The following NLRP11 variants were observed in gnomAD, a reference collection of about 807,000 sequenced individuals.
NLRP11 encodes the protein NLR family pyrin domain containing 11.
A neutral mutation model predicts 79.3 loss-of-function variants in NLRP11; 53 were observed. The observed-to-expected ratio is 0.67, with a 90% CI of 0.54 to 0.84. The LOEUF (loss-of-function observed/expected upper bound fraction) is 0.84, where lower values mean the gene tolerates loss of function less well. NLRP11 is among the 40% of genes least tolerant of loss of function. The pLI, the probability that NLRP11 is intolerant of heterozygous loss-of-function variation, is 0.00. For missense variants in NLRP11, 1,264 were observed against 1,255.0 expected (o/e 1.01, Z -0.11); for synonymous variants, 518 against 462.6 (o/e 1.12, Z -1.54).
chr19:55,824,637 T>C (rs1258677820), intron 1 of NLRP11, among the ~76,000 whole-genome samples: 1 of 108,010 alleles, frequency 9.3e-6, no homozygotes, highest in Non-Finnish European at 1.7e-5. Context: ...AAACAGACTT[T>C]AAACCAACAA....
intron 6 of NLRP11, among the ~76,000 whole-genome samples, chr19:55,794,000 T>A (rs888621959): frequency 6.6e-6 from 1 of 152,218 alleles, no homozygotes; most frequent in Admixed American, 6.5e-5. Context: ...CAGACTACTG[T>A]GATTTCTTTC....
At chr19:55,804,266 T>G (rs963300029) in intron 4 of NLRP11, among the ~76,000 whole-genome samples, 1 of 152,206 alleles carries the variant, frequency 6.6e-6, no homozygotes, top group Non-Finnish European at 1.5e-5. Flanking sequence ...TTACTGGGTA[T>G]ATACCCAAAG....
At chr19:55,814,665 T>C (rs1231398841) in intron 2 of NLRP11, among the ~76,000 whole-genome samples, 1 of 152,228 alleles carries the variant, frequency 6.6e-6, no homozygotes. Flanking sequence ...TAAAGTGTAA[T>C]TTTTAAAATA....
intron 4 of NLRP11, 28 bp downstream of exon 4, chr19:55,807,825 C>G (rs1159306276): frequency 6.5e-7 from 1 of 1,528,870 alleles, no homozygotes; most frequent in Non-Finnish European, 8.9e-7. Context: ...AGGGGAACCT[C>G]TAAGGCAGAG....
At chr19:55,836,091 T>G (rs1983244990), upstream of NLRP11, among the ~76,000 whole-genome samples, 2 of 152,340 alleles carry the variant, frequency 1.3e-5, no homozygotes, top group South Asian at 4.1e-4. Context: ...GCCACTGCAC[T>G]CCAGCCTGGG....
chr19:55,788,887 A>AAGCAAGTT lies in NLRP11; in HGVS notation c.2767_2774dup (p.Gln926ThrfsTer19). The AAGCAAGTT allele has an allele frequency of 6.2e-7, 1 of 1,613,888 alleles. No homozygotes were observed. The highest frequency in any genetic ancestry group is 1.3e-5 in the African/African-American group (1 of 74,962). On this transcript the variant is annotated frameshift_variant, in exon 9 of 10. Coordinates refer to ENST00000589093, the Ensembl canonical transcript of NLRP11. LOFTEE classifies it high-confidence loss of function. Reference sequence around the variant, plus strand: ...CTCCATCATTGCCCAAGTGATTTTGAAGCAAGTTGAGTCTTTCTAGTGTTT... The same window carrying AAGCAAGTT: ...CTCCATCATTGCCCAAGTGATTTTGAAGCAAGTTAGCAAGTTGAGTCTTTCTAGTGTTT...
At chr19:55,794,908 G>A (rs1013228030) in intron 6 of NLRP11, among the ~76,000 whole-genome samples, 1 of 152,058 alleles carries the variant, frequency 6.6e-6, no homozygotes, top group Non-Finnish European at 1.5e-5. Flanking sequence ...TTATGTTTTG[G>A]AATCTAGCAA....
chr19:55,796,356 C>T lies in NLRP11; in HGVS notation c.2172-106G>A. The T allele has an allele frequency of 4.5e-6, 4 of 885,286 alleles. No individual in the cohort carries two copies. The East Asian group carries it at 1.0e-4, about 23-fold the overall frequency. The allele number at this position is 885,286 out of a possible 1,614,324, so 54.8% of individuals were successfully genotyped here. ...GAGACCTAACCAAGTGCGATGATGT[C>T]TACTTGGAAATAAATAGATCCCTTT... On this transcript the variant is annotated intron_variant, in intron 5 of 9. Transcript: ENST00000589093.
chr19:55,787,054 G>C (rs1043877986), intron 9 of NLRP11, among the ~76,000 whole-genome samples: 3 of 152,152 alleles, frequency 2.0e-5, no homozygotes, highest in Non-Finnish European at 4.4e-5. Flanking sequence ...TTTTCCATTT[G>C]AGAAAAATTG....
exon 3 of NLRP11, chr19:55,810,202 A>G: frequency 6.2e-7 from 1 of 1,614,184 alleles, no homozygotes; most frequent in Middle Eastern, 1.6e-4. Context: ...TGGTAGAATC[A>G]TAGGCTAATT....
upstream of NLRP11, among the ~76,000 whole-genome samples, chr19:55,835,278 G>A (rs995388049): frequency 6.6e-6 from 1 of 152,240 alleles, no homozygotes; most frequent in African/African-American, 2.4e-5. Context: ...CCCAGAAGAT[G>A]ACTGTAACGA....
At chr19:55,810,440 A>C in intron 2 of NLRP11, 102 bp from the exon 3 acceptor site, 1 of 1,038,520 alleles carries the variant, frequency 9.6e-7, no homozygotes, top group African/African-American at 1.6e-5. Context: ...AAAATATAGT[A>C]GAAATTTTTA....
At chr19:55,796,786 T>C (rs544355376) in intron 5 of NLRP11, among the ~76,000 whole-genome samples, 1 of 152,014 alleles carries the variant, frequency 6.6e-6, no homozygotes, top group Admixed American at 6.5e-5. Context: ...TCCCGGGTTT[T>C]TAAGCGATTC....
At chr19:55,820,840 C>A (rs1447144395) in intron 1 of NLRP11, among the ~76,000 whole-genome samples, 1 of 152,122 alleles carries the variant, frequency 6.6e-6, no homozygotes, top group East Asian at 1.9e-4. Flanking sequence ...GACATATGTA[C>A]ATACAGGTGT....
chr19:55,802,225 C>G (rs1348724350), intron 4 of NLRP11, among the ~76,000 whole-genome samples: 1 of 152,180 alleles, frequency 6.6e-6, no homozygotes, highest in Non-Finnish European at 1.5e-5. Context: ...AGAAGTCAAA[C>G]TATCACTGTT....
intron 6 of NLRP11, among the ~76,000 whole-genome samples, chr19:55,793,516 C>A (rs368852390): frequency 7.9e-6 from 1 of 126,322 alleles, no homozygotes; most frequent in African/African-American, 3.1e-5. Flanking sequence ...TGAAGTGAGC[C>A]GAGATTGCAC....
At chr19:55,827,561 A>C in intron 1 of NLRP11, among the ~76,000 whole-genome samples, 2 of 149,674 alleles carry the variant, frequency 1.3e-5, no homozygotes, top group African/African-American at 5.0e-5. Flanking sequence ...ACTCAAACAA[A>C]TTTACAAGAA....
At chr19:55,801,427 G>C (rs1182476957) in intron 5 of NLRP11, 145 bp downstream of exon 5, 5 of 632,518 alleles carry the variant, frequency 7.9e-6, no homozygotes, top group African/African-American at 1.8e-5. Context: ...GTTGGTGAAA[G>C]AAACAAACCA....
At chr19:55,810,539 C>T (rs893983978) in intron 2 of NLRP11, among the ~76,000 whole-genome samples, 4 of 152,216 alleles carry the variant, frequency 2.6e-5, no homozygotes, top group Admixed American at 6.5e-5. Flanking sequence ...TCTTATTGCA[C>T]AGGCTGGAGT....
Sources: allele counts gnomAD v4.1 joint callset (sites outside exome capture counted in the v4.1 genomes callset), GRCh38; gene constraint gnomAD v4.1.1; transcripts MANE v1.5; gene names NCBI Gene and HGNC (gene_info 2026-07-23, HGNC 2026-07-21).